Variants in WDFY2 observed in about 807,000 individuals in gnomAD.
The protein encoded by WDFY2 is WD repeat and FYVE domain-containing protein 2.
Under a neutral mutation model 56.4 loss-of-function variants are expected in WDFY2, and 36 were observed. The ratio of observed to expected loss-of-function variants is 0.64; its 90% CI spans 0.49 to 0.84. WDFY2 has a LOEUF of 0.84. WDFY2 is among the 40% of genes least tolerant of loss of function. The probability of loss-of-function intolerance (pLI) is 0.00; values close to 1 mark genes in which losing one functional copy is unlikely to be tolerated. For missense variants in WDFY2, 444 were observed against 512.2 expected (o/e 0.87, Z 1.29); for synonymous variants, 176 against 183.7 (o/e 0.96, Z 0.34).
chr13:51,690,247 A>G (rs9535734), intron 3 of WDFY2, among the ~76,000 whole-genome samples: 20,180 of 150,614 alleles, frequency 0.13, 1,705 homozygotes, highest in South Asian at 0.23. Flanking sequence ...CACATTGTGC[A>G]GGTTAGTTAC....
chr13:51,592,132 T>TA (rs1954056725), intron 1 of WDFY2: 1 of 150,808 alleles, frequency 6.6e-6, no homozygotes, highest in Non-Finnish European at 1.5e-5. Context: ...CCCTAAAACT[T>TA]AAAGTGTAAT....
intron 2 of WDFY2, among the ~76,000 whole-genome samples, chr13:51,662,884 A>T (rs1201494388): frequency 6.6e-6 from 1 of 152,218 alleles, no homozygotes; most frequent in Non-Finnish European, 1.5e-5. Flanking sequence ...AAAAGGGATT[A>T]CTTTGCTATT....
In WDFY2 at chr13:51,759,884, C is replaced by G; in HGVS notation, c.*115C>G. The G allele has an allele frequency of 8.2e-7, 1 of 1,224,550 alleles. No individual in the cohort carries two copies. Among genetic ancestry groups the G allele is most frequent in the South Asian group, 1.4e-5 (1 of 73,970 alleles). 75.9% of individuals were successfully genotyped at this position (1,224,550 alleles called of 1,614,324 possible). On this transcript the variant is annotated 3_prime_UTR_variant, in exon 12 of 12. Transcript: ENST00000298125. ...GAGAAGTAAGAAAGAAACTAAAGAC[C>G]CTGAATGAATTTGCAGATTACCCAT...
At chr13:51,667,335 A>G (rs1415101000) in intron 2 of WDFY2, among the ~76,000 whole-genome samples, 1 of 152,190 alleles carries the variant, frequency 6.6e-6, no homozygotes, top group Admixed American at 6.5e-5. Flanking sequence ...ATTAATGTGT[A>G]TATGCTTTTA....
At chr13:51,701,146 T>A (rs1951976508) in intron 3 of WDFY2, among the ~76,000 whole-genome samples, 2 of 152,234 alleles carry the variant, frequency 1.3e-5, no homozygotes, top group South Asian at 4.1e-4. Context: ...TACTTATCTT[T>A]GAGAAATGGT....
chr13:51,694,588 G>A (rs991847077), intron 3 of WDFY2, among the ~76,000 whole-genome samples: 4 of 152,084 alleles, frequency 2.6e-5, no homozygotes, highest in African/African-American at 9.7e-5. Context: ...TGGGTAACCC[G>A]ACCTTTCTCT....
intron 3 of WDFY2, 111 bp downstream of exon 3, chr13:51,675,354 A>C (rs879166433): frequency 9.9e-6 from 10 of 1,013,610 alleles, no homozygotes; most frequent in South Asian, 1.5e-5. Context: ...TGCTAAGTAG[A>C]ATGAAAATTG....
chr13:51,622,124 A>G (rs1954740884), intron 1 of WDFY2, among the ~76,000 whole-genome samples: 1 of 152,242 alleles, frequency 6.6e-6, no homozygotes, highest in African/African-American at 2.4e-5. Context: ...TCTTTTCACT[A>G]AAGCACAGGA....
intron 1 of WDFY2, among the ~76,000 whole-genome samples, chr13:51,594,860 G>A (rs1018773789): frequency 6.6e-6 from 1 of 152,124 alleles, no homozygotes; most frequent in Admixed American, 6.6e-5. Context: ...GTGAAAGTTT[G>A]TTTTATTTTT....
intron 1 of WDFY2, among the ~76,000 whole-genome samples, chr13:51,627,339 T>C (rs993861827): frequency 2.0e-5 from 3 of 152,126 alleles, no homozygotes; most frequent in Non-Finnish European, 4.4e-5. Context: ...TGCAGCTTTT[T>C]CAGGACCTCC....
intron 3 of WDFY2, among the ~76,000 whole-genome samples, chr13:51,681,691 A>T (rs577479843): frequency 1.3e-3 from 194 of 152,338 alleles, no homozygotes; most frequent in Non-Finnish European, 6.6e-4. Flanking sequence ...TATGTAATAT[A>T]TGAAAATATA....
At chr13:51,673,557 T>C (rs1364936765) in intron 2 of WDFY2, among the ~76,000 whole-genome samples, 2 of 152,270 alleles carry the variant, frequency 1.3e-5, no homozygotes, top group Admixed American at 1.3e-4. Flanking sequence ...TACTTATGTG[T>C]GTATGTACTT....
intron 3 of WDFY2, among the ~76,000 whole-genome samples, chr13:51,693,083 CT>C (rs1415064930): frequency 3.9e-5 from 6 of 152,088 alleles, no homozygotes; most frequent in Non-Finnish European, 8.8e-5. Flanking sequence ...ATTCTTCTCT[CT>C]TTTTTTCTTT....
chr13:51,749,078 A>G (rs538631058), intron 7 of WDFY2, among the ~76,000 whole-genome samples: 4 of 152,336 alleles, frequency 2.6e-5, no homozygotes, highest in African/African-American at 9.6e-5. Context: ...AAGGCTCGCA[A>G]AAATATTAAA....
intron 3 of WDFY2, among the ~76,000 whole-genome samples, chr13:51,688,584 C>A (rs1009687410): frequency 6.6e-6 from 1 of 152,088 alleles, no homozygotes; most frequent in Non-Finnish European, 1.5e-5. Flanking sequence ...AAAAATGAGT[C>A]ATTGTGCTAG....
At position 51,661,967 on chromosome 13, in the gene WDFY2, A is replaced by G. The variant is rs991092882; in HGVS notation, c.205+1304A>G. On this transcript the variant is annotated intron_variant, in intron 2 of 11. Coordinates refer to ENST00000298125, the MANE Select transcript of WDFY2 (RefSeq NM_052950.4). ...GTTTTTTTTTCCTGTTTTTTTGTTT[A>G]TTTGTTTGTTTATTTGTTTTTGAGA... is the stretch of plus-strand genomic sequence containing the variant. 9.3e-5 allele frequency among the ~76,000 whole-genome samples: 14 copies of G among 151,250 alleles called. No homozygotes were observed. In the South Asian group the frequency reaches 1.5e-3, roughly 16 times the overall value.
chr13:51,659,327 C>T (rs993489307), intron 1 of WDFY2, among the ~76,000 whole-genome samples: 2 of 152,142 alleles, frequency 1.3e-5, no homozygotes, highest in Non-Finnish European at 2.9e-5. Flanking sequence ...TAAATAGTAT[C>T]TTTAGGAAGT....
At chr13:51,690,204 T>A (rs1007501253) in intron 3 of WDFY2, among the ~76,000 whole-genome samples, 77 of 150,592 alleles carry the variant, frequency 5.1e-4, no homozygotes, top group Non-Finnish European at 5.9e-5. Flanking sequence ...ATATTTTTTT[T>A]ATTATTATAC....
intron 1 of WDFY2, among the ~76,000 whole-genome samples, chr13:51,611,715 T>C (rs1342918173): frequency 6.6e-6 from 1 of 152,194 alleles, no homozygotes; most frequent in Non-Finnish European, 1.5e-5. Flanking sequence ...TCATTCCCTT[T>C]GCCAGGGGTT....
Sources: gnomAD v4.1 joint callset for allele counts (sites outside exome capture counted in the v4.1 genomes callset) on GRCh38, gnomAD v4.1.1 for gene constraint, MANE v1.5 for transcripts, NCBI Gene and HGNC (gene_info 2026-07-23, HGNC 2026-07-21) for gene names.